Variants in HSF2BP observed in about 807,000 individuals in gnomAD.
The protein encoded by HSF2BP is heat shock transcription factor 2 binding protein.
A neutral mutation model predicts 35.0 loss-of-function variants in HSF2BP; 35 were observed. The observed-to-expected ratio is 1.00, with a 90% CI of 0.76 to 1.32. HSF2BP has a LOEUF of 1.32. Ranked by LOEUF, HSF2BP falls within the 40% of genes most tolerant of loss-of-function variation. HSF2BP has a pLI of 0.00. For synonymous variants in HSF2BP, 114 were observed against 117.4 expected (o/e 0.97, Z 0.18); for missense variants, 326 against 321.7 (o/e 1.01, Z -0.10).
intron 8 of HSF2BP, among the ~76,000 whole-genome samples, chr21:43,587,665 CAAAAAAAAAAAA>C (rs11292342): frequency 2.5e-5 from 2 of 79,096 alleles, no homozygotes; most frequent in Admixed American, 1.4e-4. Flanking sequence ...AATTCTGTCT[CAAAAAAAAAAAA>C]AAAAAAAAAG....
At chr21:43,467,784 A>AC in the HSF2BP span, among the ~76,000 whole-genome samples, 4 of 75,964 alleles carry the variant, frequency 5.3e-5, no homozygotes, top group African/African-American at 1.2e-4. Context: ...CCACACCACA[A>AC]ACCACACACC....
At chr21:43,581,168 C>T (rs550200332) in intron 8 of HSF2BP, among the ~76,000 whole-genome samples, 11 of 152,134 alleles carry the variant, frequency 7.2e-5, no homozygotes, top group Non-Finnish European at 1.0e-4. Context: ...GGGCGGATCA[C>T]GAGGTCAGGA....
At chr21:43,593,653 A>G (rs997615964) in intron 7 of HSF2BP, among the ~76,000 whole-genome samples, 2 of 152,218 alleles carry the variant, frequency 1.3e-5, no homozygotes, top group Non-Finnish European at 2.9e-5. Context: ...CAATTCAAAA[A>G]TAACAGCAGA....
intron 5 of HSF2BP, among the ~76,000 whole-genome samples, chr21:43,631,978 GCTCCCCACACA>G (rs2082466158): frequency 6.3e-5 from 1 of 15,876 alleles, no homozygotes; most frequent in African/African-American, 3.6e-4. Context: ...CCCCACACAC[GCTCCCCACACA>G]CACACTCCCA....
chr21:43,604,866 C>CA (rs2082109865), intron 7 of HSF2BP, among the ~76,000 whole-genome samples: 1 of 143,994 alleles, frequency 6.9e-6, no homozygotes, highest in African/African-American at 2.6e-5. Flanking sequence ...CACCCACACA[C>CA]CACATACACA....
intron 7 of HSF2BP, among the ~76,000 whole-genome samples, chr21:43,612,082 AC>A (rs1190287657): frequency 6.6e-6 from 1 of 152,152 alleles, no homozygotes; most frequent in Non-Finnish European, 1.5e-5. Flanking sequence ...GACTCTGAAA[AC>A]AGGACGACAC....
rs1275161279 is a variant in HSF2BP, at chr21:43,659,131, CTACAAAAAAATAACAAATAGTGGG to C, written c.-225+231_-225+254del. ...TGGGCAACATAGCGAGACACCGTCT[CTACAAAAAAATAACAAATAGTGGG>C]GCGTGATGGCGCGCGCCTGTAGTCT... On this transcript the variant is annotated intron_variant, in intron 1 of 8. Coordinates refer to ENST00000291560, the MANE Select transcript of HSF2BP (RefSeq NM_007031.2). The surrounding 1 kb of genome is among the most constrained non-coding windows in gnomAD (Gnocchi z 4.2). Among the ~76,000 whole-genome samples, 30 of 152,144 alleles carry C rather than the reference CTACAAAAAAATAACAAATAGTGGG, an allele frequency of 2.0e-4. No individual in the cohort carries two copies. In the East Asian group the frequency reaches 3.7e-3, roughly 19 times the overall value.
At chr21:43,652,530 T>C in intron 3 of HSF2BP, among the ~76,000 whole-genome samples, 1 of 152,072 alleles carries the variant, frequency 6.6e-6, no homozygotes, top group East Asian at 1.9e-4. Context: ...GCTGCCACAG[T>C]ACAATCGTGA....
chr21:43,614,538 T>A (rs2082247947), intron 6 of HSF2BP, among the ~76,000 whole-genome samples: 1 of 152,110 alleles, frequency 6.6e-6, no homozygotes. Flanking sequence ...GAGTGCTGCA[T>A]TAAACAGCTG....
intron 7 of HSF2BP, among the ~76,000 whole-genome samples, chr21:43,606,482 A>G (rs560462103): frequency 1.3e-5 from 2 of 152,092 alleles, no homozygotes; most frequent in Non-Finnish European, 2.9e-5. Context: ...AGAGGGAACA[A>G]TGGTAGGAAA....
At chr21:43,630,678 G>A (rs747641120) in intron 5 of HSF2BP, among the ~76,000 whole-genome samples, 1 of 152,152 alleles carries the variant, frequency 6.6e-6, no homozygotes, top group South Asian at 2.1e-4. Context: ...GCATAAATAT[G>A]ATATAGGACA....
intron 4 of HSF2BP, among the ~76,000 whole-genome samples, chr21:43,634,901 C>T (rs549109748): frequency 6.6e-6 from 1 of 152,264 alleles, no homozygotes; most frequent in Admixed American, 6.5e-5. Context: ...GGAATTCTAG[C>T]TTTTCTCACA....
At chr21:43,589,808 T>C (rs1256703975) in intron 8 of HSF2BP, among the ~76,000 whole-genome samples, 1 of 152,034 alleles carries the variant, frequency 6.6e-6, no homozygotes, top group African/African-American at 2.4e-5. Flanking sequence ...GAAAGTCTTA[T>C]GCAAAAAAAC....
chr21:43,631,370 G>T (rs2082453940), intron 5 of HSF2BP, among the ~76,000 whole-genome samples: 1 of 151,896 alleles, frequency 6.6e-6, no homozygotes, highest in African/African-American at 2.4e-5. Context: ...TGCCCACTCT[G>T]CCCGGCCATC....
chr21:43,657,451 G>C (rs913786127), intron 2 of HSF2BP, among the ~76,000 whole-genome samples: 5 of 152,210 alleles, frequency 3.3e-5, no homozygotes, highest in African/African-American at 1.2e-4. Flanking sequence ...AGGAGGAAAA[G>C]GAAGTCATCT....
chr21:43,597,815 C>G lies in HSF2BP; in HGVS notation c.693-5487G>C, dbSNP rs2082004632. Among the ~76,000 whole-genome samples, 1 of 152,186 alleles carries G rather than the reference C, an allele frequency of 6.6e-6. No individual in the cohort carries two copies. The highest frequency in any genetic ancestry group is 6.5e-5 in the Admixed American group (1 of 15,288). On this transcript the variant is annotated intron_variant, in intron 7 of 8. Coordinates refer to ENST00000291560, the MANE Select transcript of HSF2BP (RefSeq NM_007031.2). This position sits in a 1 kb window ranked among gnomAD's most constrained non-coding sequence, Gnocchi z 4.3. ...TACAGGCATAAGCCATTGTGCCCAG[C>G]CCAAAATTTTAAATAAAGATGGAAC...
At chr21:43,609,403 A>G (rs2082174834) in intron 7 of HSF2BP, among the ~76,000 whole-genome samples, 1 of 152,160 alleles carries the variant, frequency 6.6e-6, no homozygotes, top group Non-Finnish European at 1.5e-5. Context: ...TCTTGTAACA[A>G]ACCTGCACAT....
intron 3 of HSF2BP, among the ~76,000 whole-genome samples, chr21:43,649,002 C>T (rs1200003147): frequency 6.6e-6 from 1 of 152,156 alleles, no homozygotes. Context: ...TTTACCCAGA[C>T]TTACCTACTA....
chr21:43,601,759 T>C (rs2082055391), intron 7 of HSF2BP, among the ~76,000 whole-genome samples: 1 of 152,210 alleles, frequency 6.6e-6, no homozygotes, highest in Non-Finnish European at 1.5e-5. Flanking sequence ...TGTTAATATC[T>C]GGAAATGATG....
Sources: allele counts gnomAD v4.1 joint callset (sites outside exome capture counted in the v4.1 genomes callset), GRCh38; gene constraint gnomAD v4.1.1; non-coding constraint Gnocchi (gnomAD v3.1); transcripts MANE v1.5; gene names NCBI Gene and HGNC (gene_info 2026-07-23, HGNC 2026-07-21).